LRRC4C: variants seen among roughly 807,000 people sequenced by gnomAD.
LRRC4C encodes leucine rich repeat containing 4C, also known as leucine-rich repeat-containing protein 4C.
Under a neutral mutation model 33.6 loss-of-function variants are expected in LRRC4C, and 5 were observed. The observed-to-expected ratio is 0.15, with a 90% CI of 0.08 to 0.31. LRRC4C has a LOEUF of 0.31. LRRC4C is among the 10% of genes least tolerant of loss of function. LRRC4C has a pLI of 1.00. For synonymous variants in LRRC4C, 329 were observed against 302.0 expected (o/e 1.09, Z -0.93); for missense variants, 560 against 796.7 (o/e 0.70, Z 3.58).
At chr11:40,785,412 A>G (rs1192321265) in intron 2 of LRRC4C, among the ~76,000 whole-genome samples, 1 of 152,210 alleles carries the variant, frequency 6.6e-6, no homozygotes, top group Non-Finnish European at 1.5e-5. Flanking sequence ...AAGTGAAGTG[A>G]TGTCACTAAA....
intron 3 of LRRC4C, among the ~76,000 whole-genome samples, chr11:40,602,193 C>CAA (rs375091552): frequency 0.016 from 1,493 of 93,150 alleles, 23 homozygotes; most frequent in Middle Eastern, 0.026. Flanking sequence ...GAATCTGTCT[C>CAA]AAAAAAAAAA....
chr11:40,237,716 T>C (rs1364956073), intron 5 of LRRC4C, among the ~76,000 whole-genome samples: 1 of 152,198 alleles, frequency 6.6e-6, no homozygotes, highest in Non-Finnish European at 1.5e-5. Context: ...TAGATAATCG[T>C]GAAAACCCTG....
intron 2 of LRRC4C, among the ~76,000 whole-genome samples, chr11:40,684,188 C>CA (rs1261664494): frequency 6.6e-6 from 1 of 151,162 alleles, no homozygotes; most frequent in African/African-American, 2.4e-5. Flanking sequence ...AAAGACTTTA[C>CA]AAAATGTATG....
chr11:41,126,028 TA>T (rs149777026), intron 1 of LRRC4C, among the ~76,000 whole-genome samples: 11 of 151,634 alleles, frequency 7.3e-5, no homozygotes, highest in African/African-American at 2.2e-4. Context: ...GTAGAGAAAC[TA>T]AAAAAAATAA....
chr11:41,171,268 G>T (rs1944964285), intron 1 of LRRC4C, among the ~76,000 whole-genome samples: 3 of 152,090 alleles, frequency 2.0e-5, no homozygotes, highest in Admixed American at 2.0e-4. Context: ...ATACCCAAAG[G>T]ATTGTAAATC....
At chr11:40,925,849 T>A (rs1366483406) in intron 2 of LRRC4C, among the ~76,000 whole-genome samples, 2 of 152,170 alleles carry the variant, frequency 1.3e-5, no homozygotes, top group Non-Finnish European at 2.9e-5. Flanking sequence ...TAAAAATGGA[T>A]GAAATGAATT....
intron 3 of LRRC4C, among the ~76,000 whole-genome samples, chr11:40,405,075 C>T (rs1949910164): frequency 6.6e-6 from 1 of 151,768 alleles, no homozygotes; most frequent in Admixed American, 6.6e-5. Flanking sequence ...TTTCCTTTGA[C>T]CTACACTTCC....
At chr11:40,266,719 G>T (rs1942286976) in intron 4 of LRRC4C, among the ~76,000 whole-genome samples, 1 of 152,072 alleles carries the variant, frequency 6.6e-6, no homozygotes, top group African/African-American at 2.4e-5. Flanking sequence ...ACTCTCTAAG[G>T]CTGGTTTTAT....
At chr11:40,301,604 C>T (rs777231822) in intron 4 of LRRC4C, among the ~76,000 whole-genome samples, 8 of 152,092 alleles carry the variant, frequency 5.3e-5, no homozygotes, top group Non-Finnish European at 1.2e-4. Flanking sequence ...TTTTCCCCAC[C>T]GCATTACTAT....
chr11:40,329,593 C>A (rs1286307988), intron 3 of LRRC4C, among the ~76,000 whole-genome samples: 1 of 152,076 alleles, frequency 6.6e-6, no homozygotes, highest in Non-Finnish European at 1.5e-5. Flanking sequence ...AATGTAATTT[C>A]AGCTCAACAT....
chr11:40,161,703 G>T (rs1859169618), intron 5 of LRRC4C, among the ~76,000 whole-genome samples: 1 of 152,158 alleles, frequency 6.6e-6, no homozygotes, highest in Admixed American at 6.5e-5. Flanking sequence ...TGCACAGTGA[G>T]CCGAGATCGC....
intron 3 of LRRC4C, among the ~76,000 whole-genome samples, chr11:40,486,973 A>G (rs930739662): frequency 6.6e-6 from 1 of 152,042 alleles, no homozygotes; most frequent in Non-Finnish European, 1.5e-5. Flanking sequence ...ACTGGAAATT[A>G]GGTCCACGGA....
Position 41,070,478 on chromosome 11 carries a change from G to A in LRRC4C, c.-495-136755C>T, listed in dbSNP as rs542646121. On this transcript the variant is annotated intron_variant, in intron 1 of 6. Transcript: ENST00000528697. ...AAGAAACTATCACCAGAATGAAAAG[G>A]CAATCTACAGAATGGGAGAAAATTT... 1.2e-4 allele frequency among the ~76,000 whole-genome samples: 18 copies of A among 152,044 alleles called. No homozygotes were observed. In the South Asian group the frequency reaches 3.5e-3, roughly 30 times the overall value.
At chr11:40,589,083 A>T (rs1393319928) in intron 3 of LRRC4C, among the ~76,000 whole-genome samples, 1 of 152,052 alleles carries the variant, frequency 6.6e-6, no homozygotes, top group Non-Finnish European at 1.5e-5. Flanking sequence ...GGGGTGTTAA[A>T]GTCTCCCATT....
intron 1 of LRRC4C, among the ~76,000 whole-genome samples, chr11:41,433,333 C>CAATTT (rs1242913613): frequency 1.6e-4 from 25 of 152,212 alleles, no homozygotes; most frequent in African/African-American, 5.3e-4. Flanking sequence ...GATCTCTATG[C>CAATTT]AATTTTCATG....
At chr11:41,074,535 G>A (rs924286252) in intron 1 of LRRC4C, among the ~76,000 whole-genome samples, 4 of 152,128 alleles carry the variant, frequency 2.6e-5, no homozygotes, top group Non-Finnish European at 4.4e-5. Context: ...TTCATTTCTA[G>A]CACTTACTCC....
intron 1 of LRRC4C, among the ~76,000 whole-genome samples, chr11:41,268,596 T>G (rs1297617998): frequency 6.6e-6 from 1 of 152,160 alleles, no homozygotes; most frequent in Non-Finnish European, 1.5e-5. Context: ...GCACTTTTTT[T>G]GGATTAAAAA....
chr11:40,670,383 G>A (rs1044170292), intron 2 of LRRC4C, among the ~76,000 whole-genome samples: 2 of 152,188 alleles, frequency 1.3e-5, no homozygotes, highest in African/African-American at 4.8e-5. Flanking sequence ...CTTTTAAAAT[G>A]TCCTTATGTA....
rs563558900 is a variant in LRRC4C at position 41,275,163 on chromosome 11, G to A, written c.-496+184268C>T. On this transcript the variant is annotated intron_variant, in intron 1 of 6. Transcript: ENST00000528697. The stretch of plus-strand genomic sequence containing the variant: ...TTGTAAGCTTCGTGAGGCCTTACAA[G>A]AAGCCGAGCAGGCACTGGTGCCATG... 2.8e-4 allele frequency among the ~76,000 whole-genome samples: 42 copies of A among 152,276 alleles called. No individual in the cohort carries two copies. The East Asian group carries it at 7.4e-3, about 27-fold the overall frequency.
Sources: gnomAD v4.1 joint callset for allele counts (sites outside exome capture counted in the v4.1 genomes callset) on GRCh38, gnomAD v4.1.1 for gene constraint, MANE v1.5 for transcripts, NCBI Gene and HGNC (gene_info 2026-07-23, HGNC 2026-07-21) for gene names.